EFCAB11: variants seen among roughly 807,000 people sequenced by gnomAD.
The protein encoded by EFCAB11 is EF-hand calcium-binding domain-containing protein 11.
EFCAB11 carries 14 observed loss-of-function variants against 23.0 expected under a neutral mutation model. The observed-to-expected ratio is 0.61, with a 90% confidence interval of 0.40 to 0.95. EFCAB11 has a LOEUF of 0.95. EFCAB11 is among the 40% of genes least tolerant of loss of function. The pLI is 0.00. For synonymous variants in EFCAB11, 65 were observed against 66.6 expected, an observed-to-expected ratio of 0.98 and a Z score of 0.11; for missense variants, 198 against 195.8, an observed-to-expected ratio of 1.01 and a Z score of -0.07.
chr14:89,893,594 T>C (rs986875316), intron 5 of EFCAB11, among the ~76,000 whole-genome samples: 1 of 152,088 alleles, frequency 6.6e-6, no homozygotes, highest in Non-Finnish European at 1.5e-5. Flanking sequence ...CTTTCCCTCT[T>C]GCCCCAGCTC....
chr14:89,934,153 CAGA>C lies in EFCAB11; in HGVS notation c.218-1529_218-1527del, dbSNP rs375342548. Among the ~76,000 whole-genome samples, 68 of 152,236 alleles carry C rather than the reference CAGA, an allele frequency of 4.5e-4. No individual in the cohort carries two copies. The South Asian group carries it at 0.013, about 30-fold the overall frequency. On this transcript the variant is annotated intron_variant, in intron 3 of 5. Transcript: ENST00000316738. ...TATTTAAGTGGCAATAGGAAGTCAACAGAAGGTTTGAATTGGGAAGTTACATGA... is the reference window on the plus strand; with the variant it reads ...TATTTAAGTGGCAATAGGAAGTCAACAGGTTTGAATTGGGAAGTTACATGA...
intron 5 of EFCAB11, among the ~76,000 whole-genome samples, chr14:89,902,820 AATTT>A (rs1254661543): frequency 6.6e-6 from 1 of 152,188 alleles, no homozygotes; most frequent in Non-Finnish European, 1.5e-5. Context: ...TCTAGGCACT[AATTT>A]AATTATATTC....
chr14:89,847,220 G>A (rs1383019004), intron 5 of EFCAB11, among the ~76,000 whole-genome samples: 1 of 152,036 alleles, frequency 6.6e-6, no homozygotes, highest in African/African-American at 2.4e-5. Context: ...ATCTCCTGAT[G>A]GCATCCAAAA....
At chr14:89,815,765 T>A (rs1179618708) in intron 5 of EFCAB11, among the ~76,000 whole-genome samples, 1 of 152,146 alleles carries the variant, frequency 6.6e-6, no homozygotes, top group Non-Finnish European at 1.5e-5. Flanking sequence ...GCTGTAAATT[T>A]GAGTTTTGGG....
chr14:89,833,425 T>G (rs1379089008), intron 5 of EFCAB11, among the ~76,000 whole-genome samples: 1 of 152,210 alleles, frequency 6.6e-6, no homozygotes. Flanking sequence ...TAATATCCAC[T>G]CTAAGATTTC....
chr14:89,844,626 C>T (rs1056279191), intron 5 of EFCAB11, among the ~76,000 whole-genome samples: 6 of 152,214 alleles, frequency 3.9e-5, no homozygotes, highest in Non-Finnish European at 8.8e-5. Flanking sequence ...GCAACTTCTG[C>T]ATGGCTAACA....
intron 3 of EFCAB11, among the ~76,000 whole-genome samples, chr14:89,945,691 T>C (rs1000232906): frequency 2.0e-5 from 3 of 152,270 alleles, no homozygotes; most frequent in Non-Finnish European, 4.4e-5. Context: ...AAAGAATGTG[T>C]ATTCTGCTTT....
At chr14:89,812,576 G>A (rs916847203) in intron 5 of EFCAB11, among the ~76,000 whole-genome samples, 1 of 152,220 alleles carries the variant, frequency 6.6e-6, no homozygotes, top group Non-Finnish European at 1.5e-5. Flanking sequence ...TGTGTCCCTG[G>A]AGTAAGAATA....
chr14:89,905,380 G>C (rs184196395), intron 5 of EFCAB11, among the ~76,000 whole-genome samples: 1 of 152,140 alleles, frequency 6.6e-6, no homozygotes, highest in African/African-American at 2.4e-5. Context: ...CACTAAGAGA[G>C]AGACAGATCA....
intron 3 of EFCAB11, among the ~76,000 whole-genome samples, chr14:89,945,974 C>T (rs1005698584): frequency 6.7e-6 from 1 of 150,162 alleles, no homozygotes; most frequent in Non-Finnish European, 1.5e-5. Flanking sequence ...GCTGGAGTGC[C>T]GTGATGCAAT....
chr14:89,873,780 G>A (rs1011939513), intron 5 of EFCAB11, among the ~76,000 whole-genome samples: 1 of 152,234 alleles, frequency 6.6e-6, no homozygotes, highest in Non-Finnish European at 1.5e-5. Flanking sequence ...TGATGTAAGA[G>A]GTGGGTTTCT....
rs748373876 is a variant in EFCAB11 at position 89,836,703 on chromosome 14, T to TA, written c.411-39380dup. The TA allele has an allele frequency of 1.8e-4, 81 of 456,318 alleles. 2 individuals are homozygous for TA. The highest frequency in any genetic ancestry group is 7.0e-5 in the East Asian group (1 of 14,386). The allele number at this position is 456,318 out of a possible 1,614,324, so 28.3% of individuals were successfully genotyped here. On this transcript the variant is annotated intron_variant, in intron 5 of 5. Transcript: ENST00000316738. ...ATAAAACAGATTTTATTTAATAGTTTACCTTGATTTATAATGTTTAAATAT... is the reference window on the plus strand; with the variant it reads ...ATAAAACAGATTTTATTTAATAGTTTAACCTTGATTTATAATGTTTAAATAT...
At position 89,851,855 on chromosome 14, in the gene EFCAB11, G is replaced by A. The variant is rs555372147; in HGVS notation, c.411-54531C>T. On this transcript the variant is annotated intron_variant, in intron 5 of 5. Transcript: ENST00000316738. The stretch of plus-strand genomic sequence containing the variant: ...GGGATGGCAGTTATTTGCAGCAGAC[G>A]GAAGAGTCACCAAAGAACATGCAGA... Among the ~76,000 whole-genome samples, 7 of 152,288 alleles carry A rather than the reference G, an allele frequency of 4.6e-5. No individual in the cohort carries two copies. In the South Asian group the frequency reaches 1.2e-3, roughly 27 times the overall value.
chr14:89,954,212 C>T (rs1891330946), intron 1 of EFCAB11: 22 of 1,024,374 alleles, frequency 2.1e-5, no homozygotes, highest in Non-Finnish European at 3.1e-5. Context: ...CCTCAAAGTG[C>T]AAACGAGTTA....
At chr14:89,912,123 A>G (rs1889699470) in intron 5 of EFCAB11, among the ~76,000 whole-genome samples, 1 of 152,232 alleles carries the variant, frequency 6.6e-6, no homozygotes. Context: ...TGGCTAATCA[A>G]CAAGCATTTA....
At chr14:89,878,226 G>A (rs1888499990) in intron 5 of EFCAB11, among the ~76,000 whole-genome samples, 1 of 152,174 alleles carries the variant, frequency 6.6e-6, no homozygotes, top group Non-Finnish European at 1.5e-5. Flanking sequence ...TGGTAGTGTG[G>A]TATGTGGGGT....
At chr14:89,902,746 C>T (rs993238393) in intron 5 of EFCAB11, among the ~76,000 whole-genome samples, 1 of 152,086 alleles carries the variant, frequency 6.6e-6, no homozygotes, top group African/African-American at 2.4e-5. Flanking sequence ...ATTTAATTTA[C>T]GTATTTTAAT....
intron 2 of EFCAB11, among the ~76,000 whole-genome samples, chr14:89,953,157 T>A (rs1450091787): frequency 1.3e-5 from 2 of 149,660 alleles, no homozygotes; most frequent in Non-Finnish European, 3.0e-5. Context: ...ATTCCACAGA[T>A]ATACAGCCAC....
At chr14:89,917,236 G>A (rs749429963) in intron 5 of EFCAB11, among the ~76,000 whole-genome samples, 4 of 151,934 alleles carry the variant, frequency 2.6e-5, no homozygotes, top group East Asian at 1.9e-4. Context: ...TCCTCTGACC[G>A]ACATCTCCCC....
Sources: gnomAD v4.1 joint callset for allele counts (sites outside exome capture counted in the v4.1 genomes callset) on GRCh38, gnomAD v4.1.1 for gene constraint, MANE v1.5 for transcripts, NCBI Gene and HGNC (gene_info 2026-07-23, HGNC 2026-07-21) for gene names.